The following CMPK2 variants were observed in gnomAD, a reference collection of about 807,000 sequenced individuals.
The protein encoded by CMPK2 is UMP-CMP kinase 2, mitochondrial.
A neutral mutation model predicts 33.4 loss-of-function variants in CMPK2; 32 were observed. The ratio of observed to expected loss-of-function variants is 0.96; its 90% CI spans 0.72 to 1.29. The LOEUF (loss-of-function observed/expected upper bound fraction) is 1.29, where lower values mean the gene tolerates loss of function less well. CMPK2 is among the 50% of genes most tolerant of loss of function. The pLI is 0.00. For synonymous variants in CMPK2, 299 were observed against 275.3 expected (o/e 1.09, Z -0.85); for missense variants, 672 against 616.0 (o/e 1.09, Z -0.96).
At chr2:6,848,264 A>G (rs1466422516), downstream of CMPK2, 1 of 768,700 alleles carries the variant, frequency 1.3e-6, no homozygotes, top group East Asian at 1.3e-4. Context: ...TTAAAAGGGG[A>G]ATCTGAGAAA....
At chr2:6,852,145 A>G (rs1572135288) in intron 3 of CMPK2, among the ~76,000 whole-genome samples, 1 of 152,058 alleles carries the variant, frequency 6.6e-6, no homozygotes, top group African/African-American at 2.4e-5. Context: ...ACATTCTGGG[A>G]CCCCTGAGGT....
At chr2:6,852,861 A>AT (rs1317759484) in intron 3 of CMPK2, among the ~76,000 whole-genome samples, 1 of 152,174 alleles carries the variant, frequency 6.6e-6, no homozygotes, top group African/African-American at 2.4e-5. Context: ...AAGGACCATC[A>AT]CTCACAATAA....
intron 2 of CMPK2, among the ~76,000 whole-genome samples, chr2:6,862,681 G>A (rs753384017): frequency 6.6e-6 from 1 of 152,204 alleles, no homozygotes; most frequent in Non-Finnish European, 1.5e-5. Flanking sequence ...CCAGGACATG[G>A]CCCGCTCCTT....
At position 6,863,525 on chromosome 2, in the gene CMPK2, G is replaced by A. The variant is rs539954449; in HGVS notation, c.729C>T (p.Cys243=). 4.2e-5 allele frequency: 67 copies of A among 1,614,162 alleles called. No homozygotes were observed. The highest frequency in any genetic ancestry group is 3.0e-4 in the Admixed American group (18 of 60,026). Residue 243 remains cysteine, a synonymous_variant, in exon 2 of 5, where the codon TGC becomes TGT. Transcript: ENST00000256722. ...ACTTTCCTTTCTGGATCTGTTTTGG[G>A]CACTGGTCGACCAGGTCAAGCACTG... ...ARAVLDLVDQ[C]PKQIQKGKFQ...
intron 1 of CMPK2, chr2:6,864,424 CAGG>C (rs1237276102): frequency 1.3e-5 from 2 of 152,228 alleles, no homozygotes; most frequent in Non-Finnish European, 2.9e-5. Context: ...ATCTGTGTCA[CAGG>C]AGGACATCTG....
At chr2:6,859,042 G>T (rs1662796913) in intron 3 of CMPK2, among the ~76,000 whole-genome samples, 1 of 152,232 alleles carries the variant, frequency 6.6e-6, no homozygotes, top group South Asian at 2.1e-4. Flanking sequence ...GGAACTTGGT[G>T]AGAACTGGAG....
At chr2:6,845,882 G>C (rs1002083346), downstream of CMPK2, among the ~76,000 whole-genome samples, 1 of 152,194 alleles carries the variant, frequency 6.6e-6, no homozygotes, top group African/African-American at 2.4e-5. Flanking sequence ...TTGAATGGCT[G>C]CCATTCCTTT....
In CMPK2 at chr2:6,853,599, A is replaced by G. The variant is rs78846071; in HGVS notation, c.993-1916T>C. Among the ~76,000 whole-genome samples the G allele has an allele frequency of 1.1e-3, 171 of 152,322 alleles. 3 individuals carry two copies. In the East Asian group the frequency reaches 0.03, roughly 27 times the overall value. ...TTATAACTAAAGCCGGATCATTGCAAATTATGATAACAGAACACAGGACAG... is the reference window on the plus strand; with the variant it reads ...TTATAACTAAAGCCGGATCATTGCAGATTATGATAACAGAACACAGGACAG... On this transcript the variant is annotated intron_variant, in intron 3 of 4. Coordinates refer to ENST00000256722, the MANE Select transcript of CMPK2 (RefSeq NM_207315.4).
rs993965925 is a variant in CMPK2, at chr2:6,865,053, T to C, written c.644A>G (p.Asp215Gly). Reference protein sequence around the residue: ...PDLPSSVVFPDREAARAVLEE... With the variant: ...PDLPSSVVFPGREAARAVLEE... ...CAAAACGGCCCGGGCGGCTTCCCGG[T>C]CCGGGAAGACCACGGAACTGGGCAA... Residue 215 changes from aspartate to glycine, a missense_variant, in exon 1 of 5, where the codon GAC becomes GGC. Coordinates refer to ENST00000256722, the MANE Select transcript of CMPK2 (RefSeq NM_207315.4). 3.5e-6 allele frequency: 5 copies of C among 1,436,982 alleles called. No homozygotes were observed. In the African/African-American group the frequency reaches 7.5e-5, roughly 22 times the overall value. 89.0% of individuals were successfully genotyped at this position (1,436,982 alleles called of 1,614,324 possible).
In CMPK2 at chr2:6,863,458, T is replaced by G. The variant is rs745653227; in HGVS notation, c.790+6A>C. On this transcript the variant is annotated splice_donor_region_variant and intron_variant, in intron 2 of 4. Transcript: ENST00000256722. ...TGCCTATAACTAAAAGGTAATATTA[T>G]CTTACCCGTGGCATCCAGTCCTTCG... The G allele has an allele frequency of 7.5e-6, 12 of 1,610,590 alleles. No homozygotes were observed. Among genetic ancestry groups the G allele is most frequent in the Non-Finnish European group, 9.3e-6 (11 of 1,177,098 alleles).
upstream of CMPK2, chr2:6,866,380 G>T (rs956973005): frequency 1.1e-6 from 1 of 928,020 alleles, no homozygotes; most frequent in Non-Finnish European, 1.3e-6. Flanking sequence ...TATCTCACCT[G>T]TGCACTCACT....
At chr2:6,850,471 C>CTAG (rs1373318648) in intron 4 of CMPK2, among the ~76,000 whole-genome samples, 2 of 152,304 alleles carry the variant, frequency 1.3e-5, no homozygotes, top group South Asian at 2.1e-4. Flanking sequence ...TACAGAGTGA[C>CTAG]TAGTGCCTGT....
chr2:6,850,839 C>T (rs1214280822), intron 4 of CMPK2: 7 of 987,372 alleles, frequency 7.1e-6, no homozygotes, highest in Non-Finnish European at 8.4e-6. Context: ...CTGATTCATA[C>T]TCAGTCATGA....
upstream of CMPK2, chr2:6,865,940 G>T (rs557496822): frequency 1.5e-5 from 20 of 1,339,314 alleles, no homozygotes; most frequent in Admixed American, 5.2e-4. Context: ...GGGAGCAGAC[G>T]CTTGGCCCCG....
Position 6,848,696 on chromosome 2 carries a change from A to T in CMPK2, c.*1154T>A, listed in dbSNP as rs1662424096. The stretch of plus-strand genomic sequence containing the variant: ...GTAGATAGGATAAAATAATTTACAG[A>T]TTTATCTGCCTTTGAACTGGAAGGA... On this transcript the variant is annotated 3_prime_UTR_variant, in exon 5 of 5. Coordinates refer to ENST00000256722, the MANE Select transcript of CMPK2 (RefSeq NM_207315.4). The T allele has an allele frequency of 1.0e-6, 1 of 985,220 alleles. No individual in the cohort carries two copies. Among genetic ancestry groups the T allele is most frequent in the African/African-American group, 1.7e-5 (1 of 57,316 alleles). The allele number at this position is 985,220 out of a possible 1,614,324, so 61.0% of individuals were successfully genotyped here.
rs1662262471 is a variant in CMPK2, at chr2:6,842,713, T to G, written c.993-2035A>C. ...CCCAGATCAGGGAGTGAGTTTCAGC[T>G]ATTGAGTTTCTTTTATAAGGTGATA... is the stretch of plus-strand genomic sequence containing the variant. On this transcript the variant is annotated intron_variant, in intron 3 of 3. Coordinates refer to the CMPK2 transcript ENST00000458098. Among the ~76,000 whole-genome samples the G allele has an allele frequency of 2.0e-5, 3 of 152,320 alleles. No homozygotes were observed. In the South Asian group the frequency reaches 6.2e-4, roughly 32 times the overall value.
At chr2:6,841,527 T>A (rs1662234166) in intron 3 of CMPK2, among the ~76,000 whole-genome samples, 1 of 152,180 alleles carries the variant, frequency 6.6e-6, no homozygotes, top group Non-Finnish European at 1.5e-5. Flanking sequence ...TGGTGAAGGA[T>A]CTTAAGAACT....
At chr2:6,855,352 T>C (rs1344647351) in intron 3 of CMPK2, among the ~76,000 whole-genome samples, 2 of 151,356 alleles carry the variant, frequency 1.3e-5, no homozygotes, top group South Asian at 2.1e-4. Context: ...CCTCTCTCTC[T>C]CTCTCTCCTG....
intron 3 of CMPK2, among the ~76,000 whole-genome samples, chr2:6,852,162 C>T (rs972517280): frequency 2.1e-4 from 32 of 152,196 alleles, no homozygotes; most frequent in African/African-American, 7.2e-4. Context: ...AGGTAGAAGC[C>T]TCTTTGTTTC....
Sources: allele counts gnomAD v4.1 joint callset (sites outside exome capture counted in the v4.1 genomes callset), GRCh38; gene constraint gnomAD v4.1.1; transcripts MANE v1.5; gene names NCBI Gene and HGNC (gene_info 2026-07-23, HGNC 2026-07-21).